The following POFUT3 variants were observed in gnomAD, a reference collection of about 807,000 sequenced individuals.
POFUT3 encodes protein O-fucosyltransferase 3.
the POFUT3 span, among the ~76,000 whole-genome samples, chr8:33,355,882 T>C: frequency 6.6e-6 from 1 of 152,178 alleles, no homozygotes; most frequent in South Asian, 2.1e-4. Flanking sequence ...CCATGTGTTC[T>C]CATTGTTCAA....
chr8:33,379,325 A>G, the POFUT3 span, among the ~76,000 whole-genome samples: 1 of 151,958 alleles, frequency 6.6e-6, no homozygotes, highest in Non-Finnish European at 1.5e-5. Context: ...GAAAAGAGGC[A>G]TGTCCATTGC....
the POFUT3 span, among the ~76,000 whole-genome samples, chr8:33,435,372 C>T: frequency 2.6e-5 from 4 of 151,904 alleles, no homozygotes; most frequent in African/African-American, 4.8e-5. Context: ...CACACACCAC[C>T]GCACCTGGCT....
chr8:33,385,457 T>A, the POFUT3 span, among the ~76,000 whole-genome samples: 1 of 152,054 alleles, frequency 6.6e-6, no homozygotes, highest in African/African-American at 2.4e-5. Context: ...GACGGGGCCA[T>A]GATGAATGGG....
At chr8:33,464,296 T>C in the POFUT3 span, among the ~76,000 whole-genome samples, 1 of 152,142 alleles carries the variant, frequency 6.6e-6, no homozygotes, top group Non-Finnish European at 1.5e-5. Flanking sequence ...AAAAGGAGAT[T>C]GCTAATATTT....
chr8:33,380,050 C>CTATATATATACTATATATATATAT, the POFUT3 span, among the ~76,000 whole-genome samples: 1 of 48,730 alleles, frequency 2.1e-5, no homozygotes, highest in African/African-American at 1.6e-4. Context: ...GATATATATA[C>CTATATATATACTATATATATATAT]ACTATATATA....
chr8:33,395,475 C>T, the POFUT3 span, among the ~76,000 whole-genome samples: 5 of 152,020 alleles, frequency 3.3e-5, no homozygotes, highest in Admixed American at 6.5e-5. Flanking sequence ...TGGCCATCCC[C>T]GGCCAAACTC....
chr8:33,429,077 C>T, the POFUT3 span, among the ~76,000 whole-genome samples: 1 of 152,180 alleles, frequency 6.6e-6, no homozygotes, highest in Non-Finnish European at 1.5e-5. Context: ...ATGTTGTGTA[C>T]TTTACATGAA....
At chr8:33,348,156 G>A in the POFUT3 span, among the ~76,000 whole-genome samples, 10 of 136,438 alleles carry the variant, frequency 7.3e-5, 1 homozygote, top group East Asian at 2.0e-3. Context: ...CGGTGACAGA[G>A]CAAGACTCTG....
chr8:33,412,820 G>C, the POFUT3 span, among the ~76,000 whole-genome samples: 2 of 152,130 alleles, frequency 1.3e-5, no homozygotes, highest in African/African-American at 4.8e-5. Context: ...TAGAAACGAG[G>C]TTTTGCCATT....
At chr8:33,318,705 A>C in the POFUT3 span, among the ~76,000 whole-genome samples, 546 of 79,460 alleles carry the variant, frequency 6.9e-3, 24 homozygotes, top group Non-Finnish European at 0.01. Flanking sequence ...TATTTATATA[A>C]TATATAAATA....
At chr8:33,358,377 G>C in the POFUT3 span, among the ~76,000 whole-genome samples, 5 of 152,170 alleles carry the variant, frequency 3.3e-5, no homozygotes, top group African/African-American at 1.2e-4. Context: ...CAGGAGAACT[G>C]GTCTAGATTA....
the POFUT3 span, among the ~76,000 whole-genome samples, chr8:33,358,543 CTT>C: frequency 6.6e-6 from 1 of 152,086 alleles, no homozygotes; most frequent in Non-Finnish European, 1.5e-5. Context: ...CAATAATGCT[CTT>C]GTGATTCCTT....
chr8:33,446,811 T>C, the POFUT3 span, among the ~76,000 whole-genome samples: 1 of 152,232 alleles, frequency 6.6e-6, no homozygotes, highest in African/African-American at 2.4e-5. Flanking sequence ...AAAGTTTTAC[T>C]GATTCTTTGT....
At chr8:33,448,537 T>C in the POFUT3 span, among the ~76,000 whole-genome samples, 1 of 152,142 alleles carries the variant, frequency 6.6e-6, no homozygotes, top group Non-Finnish European at 1.5e-5. Context: ...TACTAACCAC[T>C]GCAATCTTGG....
At chr8:33,332,499 A>G in the POFUT3 span, among the ~76,000 whole-genome samples, 13,185 of 146,130 alleles carry the variant, frequency 0.09, 835 homozygotes, top group African/African-American at 0.16. Flanking sequence ...AAAAAAAAAA[A>G]AAGAAGAAGA....
the POFUT3 span, among the ~76,000 whole-genome samples, chr8:33,381,751 C>G: frequency 6.6e-6 from 1 of 152,306 alleles, no homozygotes; most frequent in African/African-American, 2.4e-5. Flanking sequence ...GTACTAACAG[C>G]TGGCTGCCAG....
chr8:33,330,919 T>C, the POFUT3 span, among the ~76,000 whole-genome samples: 3 of 152,194 alleles, frequency 2.0e-5, no homozygotes, highest in Admixed American at 2.0e-4. Flanking sequence ...GAAGTCTCTA[T>C]GGGGAGGCAC....
the POFUT3 span, among the ~76,000 whole-genome samples, chr8:33,367,718 C>CT: frequency 1.3e-4 from 20 of 149,066 alleles, no homozygotes; most frequent in South Asian, 4.3e-4. Context: ...GTAAAACTGG[C>CT]TTTTTTTTTT....
the POFUT3 span, among the ~76,000 whole-genome samples, chr8:33,446,433 G>T: frequency 7.4e-5 from 11 of 148,782 alleles, no homozygotes; most frequent in African/African-American, 2.5e-4. Flanking sequence ...CTCCAGCCTG[G>T]GTGACAAGGC....
Sources: allele counts gnomAD v4.1 joint callset (sites outside exome capture counted in the v4.1 genomes callset), GRCh38; gene constraint gnomAD v4.1.1; transcripts MANE v1.5; gene names NCBI Gene and HGNC (gene_info 2026-07-23, HGNC 2026-07-21).